The following HSPG2 variants were observed in gnomAD, a reference collection of about 807,000 sequenced individuals.
The protein encoded by HSPG2 is basement membrane-specific heparan sulfate proteoglycan core protein.
HSPG2 carries 278 observed loss-of-function variants against 526.6 expected under a neutral mutation model. The ratio of observed to expected loss-of-function variants is 0.53; its 90% confidence interval spans 0.48 to 0.58. The LOEUF (loss-of-function observed/expected upper bound fraction) is 0.58. Ranked by LOEUF, HSPG2 falls within the 20% of genes least tolerant of loss-of-function variation. The pLI is 0.00. For missense variants in HSPG2, 5,354 were observed against 6,099.5 expected (o/e 0.88, Z 4.07); for synonymous variants, 2,465 against 2,555.4 (o/e 0.96, Z 1.07).
At position 21,898,509 on chromosome 1, in the gene HSPG2, C is replaced by G. The variant is rs1464649395; in HGVS notation, c.64-2199G>C. Among the ~76,000 whole-genome samples the G allele has an allele frequency of 3.3e-5, 5 of 152,228 alleles. No homozygotes were observed. Among genetic ancestry groups the G allele is most frequent in the Admixed American group, 3.3e-4 (5 of 15,284 alleles). The stretch of plus-strand genomic sequence containing the variant: ...AGATTCCTGGGCTCCTTCTCAGAGA[C>G]AGTGAGTCAGGTTTTTCCATCCCAG... On this transcript the variant is annotated intron_variant, in intron 1 of 96. Coordinates refer to ENST00000374695, the MANE Select transcript of HSPG2 (RefSeq NM_005529.7). This position sits in a 1 kb window ranked among gnomAD's most constrained non-coding sequence, Gnocchi z 4.0.
At chr1:21,903,299 G>A (rs1012568798) in intron 1 of HSPG2, among the ~76,000 whole-genome samples, 5 of 152,142 alleles carry the variant, frequency 3.3e-5, no homozygotes, top group Admixed American at 6.5e-5. Context: ...AGTTCTCTCC[G>A]CTATGAAATG....
At chr1:21,922,495 G>T (rs570198297) in intron 1 of HSPG2, among the ~76,000 whole-genome samples, 1 of 152,336 alleles carries the variant, frequency 6.6e-6, no homozygotes, top group African/African-American at 2.4e-5. Context: ...CAAACTATGA[G>T]AGGGCAGTGG....
intron 1 of HSPG2, among the ~76,000 whole-genome samples, chr1:21,934,012 C>T (rs1644416191): frequency 6.6e-6 from 1 of 152,230 alleles, no homozygotes; most frequent in Non-Finnish European, 1.5e-5. Context: ...CCGAGGCTCC[C>T]TCAAGACGCC....
intron 87 of HSPG2, 21 bp from the exon 88 acceptor site, chr1:21,829,100 G>T (rs1272268690): frequency 6.5e-6 from 10 of 1,531,360 alleles, no homozygotes; most frequent in Non-Finnish European, 8.8e-6. Context: ...TGCCAGGCAG[G>T]GTTGGGCACA....
intron 3 of HSPG2, among the ~76,000 whole-genome samples, chr1:21,891,132 T>G (rs900611147): frequency 6.6e-6 from 1 of 152,240 alleles, no homozygotes; most frequent in African/African-American, 2.4e-5. Flanking sequence ...CTTCCTGATC[T>G]GCCCTGGCTG....
At chr1:21,862,265 G>A in intron 37 of HSPG2, 150 bp from the exon 38 acceptor site, 1 of 982,700 alleles carries the variant, frequency 1.0e-6, no homozygotes, top group East Asian at 2.6e-5. Flanking sequence ...TCATTACAAG[G>A]ACACTCATCT....
At chr1:21,871,261 T>TC (rs1045479475) in intron 33 of HSPG2, among the ~76,000 whole-genome samples, 7 of 143,952 alleles carry the variant, frequency 4.9e-5, no homozygotes, top group African/African-American at 1.8e-4. Flanking sequence ...AGTATTTGTT[T>TC]TTTTTTTTTT....
rs1641736673 is a variant in HSPG2 at position 21,884,538 on chromosome 1, A to T, written c.1644T>A (p.Asp548Glu). ...CGCCCGCCAACGCACCCTTGAAGTC[A>T]TCGGGTTGGTCAAAGCGCAGCCTGA... ...DQIRLRFDQP[D>E]DFKGVNVTMP... is the part of the protein sequence containing the mutation. Residue 548 changes from aspartate (D) to glutamate (E), a missense_variant, in exon 13 of 97, where the codon GAT becomes GAA. Coordinates refer to ENST00000374695, the MANE Select transcript of HSPG2 (RefSeq NM_005529.7). 1.9e-6 allele frequency: 3 copies of T among 1,610,982 alleles called. No individual in the cohort carries two copies. The African/African-American group carries it at 4.0e-5, about 22-fold the overall frequency.
At position 21,852,543 on chromosome 1, in the gene HSPG2, G is replaced by A. The variant is rs35999331; in HGVS notation, c.6724+157C>T. On this transcript the variant is annotated intron_variant, in intron 52 of 96. Coordinates refer to ENST00000374695, the MANE Select transcript of HSPG2 (RefSeq NM_005529.7). ...CAAAGCAAAGTGTGACGGGAAGGCG[G>A]TGGTTACTCTGACAGGTGGAGTCGG... 0.041 allele frequency among the ~76,000 whole-genome samples: 6,171 copies of A among 152,342 alleles called. 178 individuals are homozygous for A. Among genetic ancestry groups the A allele is most frequent in the South Asian group, 0.11 (512 of 4,830 alleles).
At position 21,855,329 on chromosome 1, in the gene HSPG2, T is replaced by G; in HGVS notation, c.5972A>C (p.Lys1991Thr). Residue 1991 changes from lysine to threonine, a missense_variant, in exon 47 of 97, where the codon AAG becomes ACG. Coordinates refer to ENST00000374695, the MANE Select transcript of HSPG2 (RefSeq NM_005529.7). ...GVPSATITWR[K>T]EGGSLPPQAR... is the part of the protein sequence containing the mutation. ...CTGTGGTGGGAGGCTGCCCCCTTCCTTCCTCCAGGTGATGGTGGCGCTAGG... is the reference window on the plus strand; with the variant it reads ...CTGTGGTGGGAGGCTGCCCCCTTCCGTCCTCCAGGTGATGGTGGCGCTAGG... 6.2e-7 allele frequency: 1 copy of G among 1,607,862 alleles called. No individual in the cohort carries two copies. Among genetic ancestry groups the G allele is most frequent in the African/African-American group, 1.3e-5 (1 of 74,982 alleles).
chr1:21,851,268 C>T (rs1038615196), intron 55 of HSPG2: 17 of 502,716 alleles, frequency 3.4e-5, no homozygotes, highest in Non-Finnish European at 4.7e-5. Flanking sequence ...CCACCGTGCC[C>T]GGCTGGTACG....
At chr1:21,876,068 T>C (rs1282899208) in intron 23 of HSPG2, 26 bp from the exon 24 acceptor site, 1 of 1,612,762 alleles carries the variant, frequency 6.2e-7, no homozygotes. Context: ...GACAGGAGCT[T>C]GCGGAGGCCT....
In HSPG2 at chr1:21,855,335, C is replaced by T; in HGVS notation, c.5966G>A (p.Trp1989Ter). ...AAGVPSATIT[W>*]RKEGGSLPPQ... ...TGGGAGGCTGCCCCCTTCCTTCCTCCAGGTGATGGTGGCGCTAGGCACGCC... is the reference window on the plus strand; with the variant it reads ...TGGGAGGCTGCCCCCTTCCTTCCTCTAGGTGATGGTGGCGCTAGGCACGCC... The change falls in exon 47 of 97, where the codon TGG becomes TAG. Residue 1989 changes from tryptophan (W) to a stop codon, truncating the protein, a stop_gained. Transcript: ENST00000374695. LOFTEE classifies it high-confidence loss of function. The T allele has an allele frequency of 6.2e-7, 1 of 1,608,716 alleles. No individual in the cohort carries two copies. The highest frequency in any genetic ancestry group is 8.5e-7 in the Non-Finnish European group (1 of 1,178,312).
Position 21,843,452 on chromosome 1 carries a change from G to A in HSPG2, c.8617-14C>T. The A allele has an allele frequency of 6.2e-7, 1 of 1,607,450 alleles. No homozygotes were observed. Among genetic ancestry groups the A allele is most frequent in the Non-Finnish European group, 8.5e-7 (1 of 1,175,848 alleles). ...TGGGCCGTGGACCTGGCCAAGGTGG[G>A]GTGAGAGCGGGGAGGGTGAGCTGGG... On this transcript the variant is annotated splice_polypyrimidine_tract_variant and intron_variant, in intron 65 of 96. Coordinates refer to ENST00000374695, the MANE Select transcript of HSPG2 (RefSeq NM_005529.7).
At position 21,853,016 on chromosome 1, in the gene HSPG2, T is replaced by A; in HGVS notation, c.6494A>T (p.Glu2165Val). ...GCAGTTCAGATCCAGGGTCTGCCCT[T>A]CCGCCACGTGTGAGGAGGAGGGCTC... ...RIEPSSSHVAEGQTLDLNCVV... is the reference protein window; with the variant it reads ...RIEPSSSHVAVGQTLDLNCVV... The change falls in exon 51 of 97, where the codon GAA becomes GTA. Residue 2165 changes from glutamate (E) to valine (V), a missense_variant. Coordinates refer to ENST00000374695, the MANE Select transcript of HSPG2 (RefSeq NM_005529.7). 6.2e-7 allele frequency: 1 copy of A among 1,613,826 alleles called. No homozygotes were observed. Among genetic ancestry groups the A allele is most frequent in the Non-Finnish European group, 8.5e-7 (1 of 1,179,940 alleles).
At chr1:21,860,030 G>T (rs1639669143) in intron 40 of HSPG2, 28 bp from the exon 41 acceptor site, 1 of 1,607,732 alleles carries the variant, frequency 6.2e-7, no homozygotes, top group African/African-American at 1.3e-5. Flanking sequence ...GACAGGAAGG[G>T]CCTTTCAGCA....
intron 1 of HSPG2, among the ~76,000 whole-genome samples, chr1:21,936,321 C>A (rs959451910): frequency 2.6e-5 from 4 of 152,192 alleles, no homozygotes; most frequent in Admixed American, 1.3e-4. Flanking sequence ...CACCTAAGCT[C>A]AGAGTAGGGG....
At position 21,823,256 on chromosome 1, in the gene HSPG2, T is replaced by C. The variant is rs960659698; in HGVS notation, c.*60A>G. 2.2e-6 allele frequency: 3 copies of C among 1,343,592 alleles called. No homozygotes were observed. The highest frequency in any genetic ancestry group is 3.0e-5 in the South Asian group (2 of 66,064). 83.2% of individuals were successfully genotyped at this position (1,343,592 alleles called of 1,614,324 possible). ...AAATTCATAATAATATTAATAATAA[T>C]ATACTCGACATTGTCGGGCTGGGGC... On this transcript the variant is annotated 3_prime_UTR_variant, in exon 97 of 97. Transcript: ENST00000374695.
At chr1:21,931,159 G>A (rs1033194818) in intron 1 of HSPG2, among the ~76,000 whole-genome samples, 3 of 152,208 alleles carry the variant, frequency 2.0e-5, no homozygotes, top group African/African-American at 7.2e-5. Flanking sequence ...GAGCCACCTT[G>A]TTCTCAGGGC....
Sources: gnomAD v4.1 joint callset for allele counts (sites outside exome capture counted in the v4.1 genomes callset) on GRCh38, gnomAD v4.1.1 for gene constraint, Gnocchi (gnomAD v3.1) non-coding constraint, MANE v1.5 for transcripts, NCBI Gene and HGNC (gene_info 2026-07-23, HGNC 2026-07-21) for gene names.